Variants in KHDRBS2 observed in about 807,000 individuals in gnomAD.
KHDRBS2 encodes KH domain-containing, RNA-binding, signal transduction-associated protein 2.
A neutral mutation model predicts 44.3 loss-of-function variants in KHDRBS2; 26 were observed. That is an observed-to-expected ratio of 0.59 (90% CI 0.43 to 0.81). The LOEUF is 0.81. KHDRBS2 is among the 40% of genes least tolerant of loss of function. The probability of loss-of-function intolerance (pLI) is 0.00; values close to 1 mark genes in which losing one functional copy is unlikely to be tolerated. For synonymous variants in KHDRBS2, 194 were observed against 151.1 expected (o/e 1.28, Z -2.08); for missense variants, 476 against 433.1 (o/e 1.10, Z -0.88).
At chr6:62,171,298 A>T (rs1819951751) in intron 2 of KHDRBS2, among the ~76,000 whole-genome samples, 1 of 152,158 alleles carries the variant, frequency 6.6e-6, no homozygotes, top group Non-Finnish European at 1.5e-5. Flanking sequence ...AATCACAAGT[A>T]TTAACAACAG....
In KHDRBS2 at chr6:62,179,129, A is replaced by T. The variant is rs1270070128; in HGVS notation, c.92-1817T>A. ...TTAGTAATCTTTTCGCATACTATTT[A>T]TTTGGGCTGTGTGGAATTTAAAAGA... is the stretch of plus-strand genomic sequence containing the variant. On this transcript the variant is annotated intron_variant, in intron 1 of 8. Transcript: ENST00000281156. Among the ~76,000 whole-genome samples, 5 of 151,598 alleles carry T rather than the reference A, an allele frequency of 3.3e-5. No homozygotes were observed. The Admixed American group carries it at 3.3e-4, about 10-fold the overall frequency.
At chr6:62,063,237 C>T (rs961797394) in intron 2 of KHDRBS2, among the ~76,000 whole-genome samples, 43 of 142,316 alleles carry the variant, frequency 3.0e-4, no homozygotes, top group African/African-American at 9.9e-4. Context: ...TGAAACTATT[C>T]CAATCAATAG....
chr6:61,825,808 C>A (rs1265845032), intron 6 of KHDRBS2, among the ~76,000 whole-genome samples: 1 of 151,912 alleles, frequency 6.6e-6, no homozygotes, highest in Admixed American at 6.6e-5. Context: ...TTGGTGTCCT[C>A]GTGTACTCAA....
Position 61,837,819 on chromosome 6 carries a change from C to A in KHDRBS2, c.810+56816G>T, listed in dbSNP as rs562886061. ...ACCTATATAACACCTGCATACCATC[C>A]AAACCAGAAATATGGTCAAAGAACC... On this transcript the variant is annotated intron_variant, in intron 6 of 8. Coordinates refer to ENST00000281156, the MANE Select transcript of KHDRBS2 (RefSeq NM_152688.4). Among the ~76,000 whole-genome samples the A allele has an allele frequency of 9.2e-5, 14 of 152,100 alleles. 1 individual carries two copies. The South Asian group carries it at 1.2e-3, about 14-fold the overall frequency.
In KHDRBS2 at chr6:62,285,962, G is replaced by A. The variant is rs764569341; in HGVS notation, c.-14C>T. 7.7e-6 allele frequency: 12 copies of A among 1,560,296 alleles called. No individual in the cohort carries two copies. The South Asian group carries it at 1.3e-4, about 17-fold the overall frequency. On this transcript the variant is annotated 5_prime_UTR_variant, in exon 1 of 9. Transcript: ENST00000281156. ...CTCCTCTTCCATAGCGCGGACTTCG[G>A]ATTGTCCCCGGGCGAAGCGCGAGGT...
At chr6:61,854,907 T>C (rs1051451324) in intron 6 of KHDRBS2, among the ~76,000 whole-genome samples, 47 of 152,166 alleles carry the variant, frequency 3.1e-4, no homozygotes, top group African/African-American at 1.1e-3. Context: ...TGAAAGACCA[T>C]ATATCTTCTG....
chr6:61,851,198 A>AAT (rs1011593310), intron 6 of KHDRBS2, among the ~76,000 whole-genome samples: 2 of 151,888 alleles, frequency 1.3e-5, no homozygotes, highest in African/African-American at 2.4e-5. Flanking sequence ...ATGAGAAAAA[A>AAT]ATATATATAT....
chr6:62,138,012 G>T (rs1811944304), intron 2 of KHDRBS2, among the ~76,000 whole-genome samples: 5 of 152,044 alleles, frequency 3.3e-5, no homozygotes, highest in Admixed American at 3.3e-4. Flanking sequence ...TTCACTTAAG[G>T]CATTTTCTAT....
intron 4 of KHDRBS2, among the ~76,000 whole-genome samples, chr6:61,930,546 G>GAAAAAAAAAAAAAAAAAAAAAAAAA (rs1439236595): frequency 8.4e-5 from 4 of 47,566 alleles, no homozygotes; most frequent in Non-Finnish European, 1.7e-4. Flanking sequence ...AAAAAAAAAA[G>GAAAAAAAAAAAAAAAAAAAAAAAAA]AAAAAAAAAA....
chr6:61,733,336 A>T (rs1774794022), intron 6 of KHDRBS2, among the ~76,000 whole-genome samples: 1 of 152,206 alleles, frequency 6.6e-6, no homozygotes, highest in Non-Finnish European at 1.5e-5. Flanking sequence ...CATGCCTGTA[A>T]TCCCAGCACT....
intron 4 of KHDRBS2, among the ~76,000 whole-genome samples, chr6:61,950,274 C>T (rs1016254486): frequency 2.0e-5 from 3 of 152,030 alleles, no homozygotes; most frequent in African/African-American, 7.2e-5. Flanking sequence ...AGTGCTGATG[C>T]TGAAAATTCA....
At chr6:61,955,882 A>T (rs193300066) in intron 4 of KHDRBS2, among the ~76,000 whole-genome samples, 34 of 152,184 alleles carry the variant, frequency 2.2e-4, no homozygotes, top group Admixed American at 2.2e-3. Flanking sequence ...TCAATTTTAG[A>T]TTATGAAGCT....
rs192081309 is a variant in KHDRBS2, at chr6:61,834,960, T to C, written c.810+59675A>G. 2.0e-3 allele frequency among the ~76,000 whole-genome samples: 298 copies of C among 152,182 alleles called. 1 individual carries two copies. Among genetic ancestry groups the C allele is most frequent in the African/African-American group, 6.7e-3 (277 of 41,562 alleles). ...ACTTAATTCATGTTTATCCTTTCTTTCAAACATTAAATTCCCACAATGAGA... is the reference window on the plus strand; with the variant it reads ...ACTTAATTCATGTTTATCCTTTCTTCCAAACATTAAATTCCCACAATGAGA... On this transcript the variant is annotated intron_variant, in intron 6 of 8. Coordinates refer to ENST00000281156, the MANE Select transcript of KHDRBS2 (RefSeq NM_152688.4).
intron 4 of KHDRBS2, among the ~76,000 whole-genome samples, chr6:61,967,338 T>A (rs1173680588): frequency 6.6e-6 from 1 of 151,804 alleles, no homozygotes; most frequent in African/African-American, 2.4e-5. Flanking sequence ...GAAAAGACAG[T>A]CATTTATTTG....
intron 2 of KHDRBS2, among the ~76,000 whole-genome samples, chr6:62,098,020 C>A (rs554126833): frequency 2.6e-5 from 4 of 152,180 alleles, no homozygotes; most frequent in Admixed American, 2.6e-4. Context: ...CAAAAAAAGT[C>A]TACACTATAA....
At chr6:62,197,314 C>T (rs1825907302) in intron 1 of KHDRBS2, among the ~76,000 whole-genome samples, 1 of 151,996 alleles carries the variant, frequency 6.6e-6, no homozygotes, top group Admixed American at 6.6e-5. Context: ...CAATTTTGAA[C>T]ACAGATCAAA....
chr6:61,722,773 G>A (rs1367047861), intron 7 of KHDRBS2, among the ~76,000 whole-genome samples: 10 of 151,184 alleles, frequency 6.6e-5, no homozygotes, highest in South Asian at 2.1e-4. Context: ...ACAGTGGCGC[G>A]ATCTTGGCTC....
Position 61,848,485 on chromosome 6 carries a change from ATATATG to A in KHDRBS2, c.810+46144_810+46149del, listed in dbSNP as rs1396065557. Among the ~76,000 whole-genome samples, 278 of 46,082 alleles carry A rather than the reference ATATATG, an allele frequency of 6.0e-3. 11 individuals carry two copies. Among genetic ancestry groups the A allele is most frequent in the African/African-American group, 0.013 (92 of 6,872 alleles). The allele number at this position is 46,082 out of a possible 152,430, so 30.2% of individuals were successfully genotyped here. A position where few individuals can be genotyped will look rare whatever the true frequency, so the allele number is the denominator to read the frequency against. ...ATGGAGGTTTTATATATATATATAT[ATATATG>A]TATATATATATATATATATGTATAT... On this transcript the variant is annotated intron_variant, in intron 6 of 8. Coordinates refer to ENST00000281156, the MANE Select transcript of KHDRBS2 (RefSeq NM_152688.4).
chr6:61,804,470 C>T (rs770346263), intron 6 of KHDRBS2, among the ~76,000 whole-genome samples: 3 of 152,110 alleles, frequency 2.0e-5, no homozygotes, highest in Non-Finnish European at 2.9e-5. Flanking sequence ...TGAGGACAGT[C>T]GCCTTCTTCT....
Sources: allele counts gnomAD v4.1 joint callset (sites outside exome capture counted in the v4.1 genomes callset), GRCh38; gene constraint gnomAD v4.1.1; transcripts MANE v1.5; gene names NCBI Gene and HGNC (gene_info 2026-07-23, HGNC 2026-07-21).